The following TWIST2 variants were observed in gnomAD, a reference collection of about 807,000 sequenced individuals.
TWIST2 encodes the protein twist family bHLH transcription factor 2.
In TWIST2, 1 loss-of-function variant was observed where a neutral mutation model predicts 11.6. That is an observed-to-expected ratio of 0.09 (90% CI 0.03 to 0.41). The LOEUF is 0.41. Ranked by LOEUF, TWIST2 falls within the 10% of genes least tolerant of loss-of-function variation. TWIST2 has a pLI of 0.98. For missense variants in TWIST2, 168 were observed against 226.4 expected, an observed-to-expected ratio of 0.74 and a Z score of 1.66; for synonymous variants, 87 against 96.6, an observed-to-expected ratio of 0.90 and a Z score of 0.58.
At chr2:238,905,950 C>CGCGT (rs1693344934) in intron 1 of TWIST2, among the ~76,000 whole-genome samples, 33 of 119,542 alleles carry the variant, frequency 2.8e-4, no homozygotes, top group African/African-American at 1.1e-3. Context: ...TGTGCGCGCG[C>CGCGT]GTGTGTACGT....
intron 1 of TWIST2, among the ~76,000 whole-genome samples, chr2:238,860,662 G>A (rs951694401): frequency 2.0e-5 from 3 of 152,164 alleles, no homozygotes; most frequent in Admixed American, 6.5e-5. Context: ...TCCGGGCCAG[G>A]CGCAGTGGCT....
At chr2:238,893,075 C>G (rs1046988604) in intron 1 of TWIST2, among the ~76,000 whole-genome samples, 11 of 152,216 alleles carry the variant, frequency 7.2e-5, no homozygotes, top group African/African-American at 2.7e-4. Context: ...CCTAAAAGCA[C>G]CTCTGCCACA....
intron 1 of TWIST2, among the ~76,000 whole-genome samples, chr2:238,883,028 G>T (rs1692965678): frequency 6.6e-6 from 1 of 152,178 alleles, no homozygotes; most frequent in South Asian, 2.1e-4. Context: ...GGGTGAGATG[G>T]ACATGAATGT....
intron 1 of TWIST2, among the ~76,000 whole-genome samples, chr2:238,891,315 G>T (rs1443162582): frequency 6.6e-6 from 1 of 152,220 alleles, no homozygotes; most frequent in Non-Finnish European, 1.5e-5. Context: ...CTTGTGAACG[G>T]CCTTCAGGCC....
chr2:238,882,038 G>T (rs1692945315), intron 1 of TWIST2, among the ~76,000 whole-genome samples: 1 of 151,582 alleles, frequency 6.6e-6, no homozygotes, highest in Non-Finnish European at 1.5e-5. Flanking sequence ...CTGTCTGTCT[G>T]CCTGACTCTG....
chr2:238,898,775 C>A (rs1271710383), intron 1 of TWIST2, among the ~76,000 whole-genome samples: 6 of 152,350 alleles, frequency 3.9e-5, no homozygotes, highest in African/African-American at 1.2e-4. Context: ...GCTGGATGGG[C>A]AAAGTCCTGG....
chr2:238,886,190 C>A (rs1574763419), intron 1 of TWIST2, among the ~76,000 whole-genome samples: 1 of 151,932 alleles, frequency 6.6e-6, no homozygotes, highest in East Asian at 1.9e-4. Flanking sequence ...GAACAGCTCC[C>A]ACGATGACTG....
chr2:238,876,736 A>G (rs964159090), intron 1 of TWIST2, among the ~76,000 whole-genome samples: 2 of 152,110 alleles, frequency 1.3e-5, no homozygotes, highest in Non-Finnish European at 2.9e-5. Context: ...TGCCTTTGCC[A>G]GGTTTTTGAC....
In TWIST2 at chr2:238,848,138, T is replaced by C. The variant is rs989603011; in HGVS notation, c.-78T>C. On this transcript the variant is annotated 5_prime_UTR_variant, in exon 1 of 2. Coordinates refer to ENST00000612363, the MANE Select transcript of TWIST2 (RefSeq NM_001271893.4). ...TTCCAGCAACTCCGAGAGCGTGTGC[T>C]CGGCGACCGCGGGCTTGGCCAGCGG... is the stretch of plus-strand genomic sequence containing the variant. 2.3e-5 allele frequency: 26 copies of C among 1,127,072 alleles called. No homozygotes were observed. In the African/African-American group the frequency reaches 4.0e-4, roughly 17 times the overall value. 69.8% of individuals were successfully genotyped at this position (1,127,072 alleles called of 1,614,324 possible).
intron 1 of TWIST2, among the ~76,000 whole-genome samples, chr2:238,854,983 G>T (rs1214915979): frequency 6.6e-6 from 1 of 152,178 alleles, no homozygotes; most frequent in African/African-American, 2.4e-5. Flanking sequence ...TGTGGCCGGT[G>T]CTCAGAGGGC....
intron 1 of TWIST2, among the ~76,000 whole-genome samples, chr2:238,862,913 T>C (rs1041940547): frequency 6.6e-6 from 1 of 152,196 alleles, no homozygotes; most frequent in African/African-American, 2.4e-5. Flanking sequence ...GAGCAGTTCA[T>C]ACGATCTCAG....
chr2:238,904,741 A>G (rs1309661180), intron 1 of TWIST2, among the ~76,000 whole-genome samples: 1 of 152,046 alleles, frequency 6.6e-6, no homozygotes, highest in Non-Finnish European at 1.5e-5. Flanking sequence ...TTGGCACATG[A>G]TAGATGCTCA....
At chr2:238,905,904 CGTGTGT>C (rs1181396136) in intron 1 of TWIST2, among the ~76,000 whole-genome samples, 53,920 of 141,854 alleles carry the variant, frequency 0.38, 9,977 homozygotes, top group Middle Eastern at 0.53. Context: ...CGCGTGTGTG[CGTGTGT>C]GTGCGTGCAG....
chr2:238,882,088 C>G (rs1467662990), intron 1 of TWIST2, among the ~76,000 whole-genome samples: 1 of 152,150 alleles, frequency 6.6e-6, no homozygotes, highest in Non-Finnish European at 1.5e-5. Context: ...CTGTGTCTCT[C>G]TTATGGTCTT....
At chr2:238,849,151 C>T (rs948644913) in intron 1 of TWIST2, among the ~76,000 whole-genome samples, 1 of 152,176 alleles carries the variant, frequency 6.6e-6, no homozygotes, top group Non-Finnish European at 1.5e-5. Flanking sequence ...CGCAGGCCGC[C>T]CGCGAAGCTG....
chr2:238,902,429 AGT>A (rs1292649041), intron 1 of TWIST2, among the ~76,000 whole-genome samples: 217 of 143,312 alleles, frequency 1.5e-3, no homozygotes, highest in African/African-American at 5.3e-3. Flanking sequence ...TGATGTGATA[AGT>A]GTGTGATATG....
intron 1 of TWIST2, among the ~76,000 whole-genome samples, chr2:238,905,920 G>GCGC (rs1693341045): frequency 8.8e-6 from 1 of 113,106 alleles, no homozygotes; most frequent in African/African-American, 3.6e-5. Context: ...TGTGCGTGCA[G>GCGC]GTGTGCGTGT....
chr2:238,892,007 T>C (rs1306891642), intron 1 of TWIST2, among the ~76,000 whole-genome samples: 4 of 152,200 alleles, frequency 2.6e-5, no homozygotes, highest in Non-Finnish European at 5.9e-5. Context: ...CACTTATCCC[T>C]TCCTCTTCAG....
intron 1 of TWIST2, among the ~76,000 whole-genome samples, chr2:238,862,821 C>G (rs572889311): frequency 6.6e-6 from 1 of 152,178 alleles, no homozygotes; most frequent in Non-Finnish European, 1.5e-5. Flanking sequence ...TCTGCTTGGT[C>G]CATATGCTGG....
Sources: allele counts gnomAD v4.1 joint callset (sites outside exome capture counted in the v4.1 genomes callset), GRCh38; gene constraint gnomAD v4.1.1; transcripts MANE v1.5; gene names NCBI Gene and HGNC (gene_info 2026-07-23, HGNC 2026-07-21).